The following SORBS2 variants were observed in gnomAD, a reference collection of about 807,000 sequenced individuals.
SORBS2 encodes sorbin and SH3 domain containing 2.
In SORBS2, 46 loss-of-function variants were observed where a neutral mutation model predicts 97.7. The observed-to-expected ratio is 0.47, with a 90% CI of 0.37 to 0.60. The LOEUF is 0.60. Ranked by LOEUF, SORBS2 falls within the 20% of genes least tolerant of loss-of-function variation. The pLI is 0.00. For missense variants in SORBS2, 1,316 were observed against 1,282.3 expected, an observed-to-expected ratio of 1.03 and a Z score of -0.40; for synonymous variants, 476 against 473.4, an observed-to-expected ratio of 1.01 and a Z score of -0.07.
At chr4:185,667,351 C>A (rs1218989968) in intron 4 of SORBS2, among the ~76,000 whole-genome samples, 1 of 152,140 alleles carries the variant, frequency 6.6e-6, no homozygotes, top group African/African-American at 2.4e-5. Flanking sequence ...TGACTGATGT[C>A]ATGCACGTTG....
intron 5 of SORBS2, 116 bp downstream of exon 17, chr4:185,630,433 C>A: frequency 1.9e-6 from 1 of 530,130 alleles, no homozygotes; most frequent in Non-Finnish European, 3.3e-6. Context: ...AGGCATGGTA[C>A]TTCAAATAAA....
At chr4:185,854,894 T>G (rs1314261388) in intron 1 of SORBS2, among the ~76,000 whole-genome samples, 1 of 152,098 alleles carries the variant, frequency 6.6e-6, no homozygotes, top group East Asian at 1.9e-4. Context: ...GCTGTGAAAC[T>G]CTCCTGTAAC....
chr4:185,937,712 G>A (rs1007952341), intron 1 of SORBS2, among the ~76,000 whole-genome samples: 1 of 151,992 alleles, frequency 6.6e-6, no homozygotes. Context: ...GGAAGTGGAG[G>A]GGAGGGGGAA....
chr4:185,831,832 T>A (rs533620309), intron 1 of SORBS2, among the ~76,000 whole-genome samples: 2 of 152,320 alleles, frequency 1.3e-5, no homozygotes, highest in African/African-American at 4.8e-5. Context: ...CAAATAGGAC[T>A]GAACTGAGGC....
At chr4:185,935,644 C>T (rs2099268560) in intron 1 of SORBS2, among the ~76,000 whole-genome samples, 1 of 152,126 alleles carries the variant, frequency 6.6e-6, no homozygotes, top group South Asian at 2.1e-4. Context: ...ATTGATAGGG[C>T]TAATTATCAC....
chr4:185,771,498 A>G (rs1375776534), intron 2 of SORBS2: 1 of 152,188 alleles, frequency 6.6e-6, no homozygotes, highest in African/African-American at 2.4e-5. Flanking sequence ...ATGCTACACT[A>G]TGACTGGTGA....
intron 1 of SORBS2, among the ~76,000 whole-genome samples, chr4:185,805,714 A>G (rs539304445): frequency 6.6e-5 from 10 of 152,344 alleles, no homozygotes; most frequent in African/African-American, 2.4e-4. Context: ...TAGTAATACT[A>G]TGCTATAAAA....
chr4:185,733,453 T>C (rs1424693719), intron 2 of SORBS2, among the ~76,000 whole-genome samples: 3 of 152,236 alleles, frequency 2.0e-5, no homozygotes, highest in Admixed American at 6.5e-5. Context: ...CAAGGGCCCA[T>C]CCCGTGCTTC....
chr4:185,702,125 T>C (rs1230387104), intron 2 of SORBS2, among the ~76,000 whole-genome samples: 2 of 152,194 alleles, frequency 1.3e-5, no homozygotes, highest in Non-Finnish European at 2.9e-5. Flanking sequence ...ACATACCTTG[T>C]CTAAGTCAAT....
Position 185,802,942 on chromosome 4 carries a change from G to A in SORBS2, c.-337-27576C>T, listed in dbSNP as rs149158494. Among the ~76,000 whole-genome samples, 1,516 of 152,300 alleles carry A rather than the reference G, an allele frequency of 1.0e-2. 33 individuals are homozygous for A. The highest frequency in any genetic ancestry group is 0.05 in the Admixed American group (758 of 15,290). On this transcript the variant is annotated intron_variant, in intron 1 of 20. Transcript: ENST00000284776. The stretch of plus-strand genomic sequence containing the variant: ...CACTCTCTGAGGGGTTAGCGAGAGT[G>A]CATGCAGATTTCTCCAATGCTTTGC...
intron 1 of SORBS2, among the ~76,000 whole-genome samples, chr4:185,798,298 A>T (rs1561096853): frequency 1.3e-5 from 2 of 152,200 alleles, no homozygotes. Context: ...AACAACTTCA[A>T]CATAAAATAA....
chr4:185,676,936 G>A (rs2097795263), intron 4 of SORBS2: 1 of 1,380,542 alleles, frequency 7.2e-7, no homozygotes, highest in African/African-American at 1.4e-5. Flanking sequence ...CCAAACCAAA[G>A]GAGTTAGGGT....
At chr4:185,658,148 T>A (rs891464974), upstream of SORBS2, among the ~76,000 whole-genome samples, 3 of 152,214 alleles carry the variant, frequency 2.0e-5, no homozygotes, top group Non-Finnish European at 4.4e-5. Flanking sequence ...TAAAAAAATC[T>A]TCACATCCAA....
intron 4 of SORBS2, among the ~76,000 whole-genome samples, chr4:185,666,444 T>C (rs538262374): frequency 1.3e-4 from 20 of 152,296 alleles, no homozygotes; most frequent in Non-Finnish European, 2.8e-4. Flanking sequence ...TGCAATGTAA[T>C]TCTGGTTAGG....
rs190621150 is a variant in SORBS2 at position 185,735,654 on chromosome 4, C to T, written c.-198+39573G>A. 1.1e-4 allele frequency among the ~76,000 whole-genome samples: 16 copies of T among 152,120 alleles called. No individual in the cohort carries two copies. The East Asian group carries it at 1.7e-3, about 17-fold the overall frequency. On this transcript the variant is annotated intron_variant, in intron 2 of 20. Coordinates refer to the SORBS2 transcript ENST00000284776. ...TTTATGTTAATTTTTGTTAATTTGA[C>T]ATCCCTAGACGATATCATGAAAATA... is the stretch of plus-strand genomic sequence containing the variant.
chr4:185,664,678 A>G (rs2097571649), intron 4 of SORBS2, among the ~76,000 whole-genome samples: 1 of 152,214 alleles, frequency 6.6e-6, no homozygotes, highest in Non-Finnish European at 1.5e-5. Flanking sequence ...GGAATACCAA[A>G]TCCCATTACC....
At chr4:185,660,705 C>T (rs4241809), upstream of SORBS2, among the ~76,000 whole-genome samples, 109,478 of 151,970 alleles carry the variant, frequency 0.72, 39,906 homozygotes, top group Non-Finnish European at 0.79. Flanking sequence ...AGGAGGTGCA[C>T]TGTCTGTGTC....
rs188395754 is a variant in SORBS2, at chr4:185,626,437, T to C, written c.634+395A>G. On this transcript the variant is annotated intron_variant, in intron 6 of 14. Coordinates refer to ENST00000418609, the Ensembl canonical transcript of SORBS2. The stretch of plus-strand genomic sequence containing the variant: ...ATGTATATTTTAGCCAACAATTTGC[T>C]CTGTTGCTGCTTGTAATTTTTATCC... 9.1e-4 allele frequency among the ~76,000 whole-genome samples: 138 copies of C among 152,364 alleles called. 1 individual carries two copies. The highest frequency in any genetic ancestry group is 3.4e-3 in the Middle Eastern group (1 of 294).
intron 1 of SORBS2, among the ~76,000 whole-genome samples, chr4:185,922,743 G>T (rs1016292858): frequency 1.3e-5 from 2 of 152,008 alleles, no homozygotes; most frequent in Non-Finnish European, 2.9e-5. Context: ...GTTATAGTTC[G>T]CAGAGTGCTT....
Sources: gnomAD v4.1 joint callset for allele counts (sites outside exome capture counted in the v4.1 genomes callset) on GRCh38, gnomAD v4.1.1 for gene constraint, MANE v1.5 for transcripts, NCBI Gene and HGNC (gene_info 2026-07-23, HGNC 2026-07-21) for gene names.